PRKCH: variants seen among roughly 807,000 people sequenced by gnomAD.
PRKCH encodes the protein protein kinase C eta type.
PRKCH carries 28 observed loss-of-function variants against 82.5 expected under a neutral mutation model. The observed-to-expected ratio is 0.34, with a 90% CI of 0.25 to 0.47. The LOEUF (loss-of-function observed/expected upper bound fraction) is 0.47, where lower values mean the gene tolerates loss of function less well. Ranked by LOEUF, PRKCH falls within the 20% of genes least tolerant of loss-of-function variation. The pLI is 1.00. For synonymous variants in PRKCH, 322 were observed against 327.4 expected, an observed-to-expected ratio of 0.98 and a Z score of 0.18; for missense variants, 705 against 881.8, an observed-to-expected ratio of 0.80 and a Z score of 2.54.
At chr14:61,291,608 G>A (rs956590379) in intron 1 of PRKCH, among the ~76,000 whole-genome samples, 4 of 152,108 alleles carry the variant, frequency 2.6e-5, no homozygotes, top group African/African-American at 7.2e-5. Flanking sequence ...GGGATTACAG[G>A]CGTGAGCCAC....
chr14:61,240,822 G>C (rs1269300778), intron 1 of PRKCH, among the ~76,000 whole-genome samples: 1 of 152,100 alleles, frequency 6.6e-6, no homozygotes, highest in Non-Finnish European at 1.5e-5. Flanking sequence ...TCCCACTTCT[G>C]ACACCAAATC....
chr14:61,339,000 G>A (rs377714786), intron 1 of PRKCH, among the ~76,000 whole-genome samples: 5 of 152,080 alleles, frequency 3.3e-5, no homozygotes, highest in Admixed American at 3.3e-4. Flanking sequence ...ACAGCTCTCT[G>A]CCTGAATGAT....
chr14:61,222,118 T>C (rs893616768), intron 1 of PRKCH, among the ~76,000 whole-genome samples: 1 of 152,188 alleles, frequency 6.6e-6, no homozygotes, highest in African/African-American at 2.4e-5. Flanking sequence ...TAAAGTGATA[T>C]TTGCCCCTTT....
chr14:61,395,698 C>T (rs76041562), intron 2 of PRKCH, among the ~76,000 whole-genome samples: 3,164 of 152,208 alleles, frequency 0.021, 118 homozygotes, highest in African/African-American at 0.073. Context: ...TTCCATGTTC[C>T]TATTGTCACA....
intron 1 of PRKCH, among the ~76,000 whole-genome samples, chr14:61,224,963 A>C (rs1250047681): frequency 6.6e-6 from 1 of 152,108 alleles, no homozygotes; most frequent in Non-Finnish European, 1.5e-5. Context: ...TCTCAACAGG[A>C]CTCACACATT....
intron 12 of PRKCH, among the ~76,000 whole-genome samples, chr14:61,535,562 G>T (rs1052802579): frequency 6.6e-6 from 1 of 152,168 alleles, no homozygotes; most frequent in Non-Finnish European, 1.5e-5. Flanking sequence ...ATGAGCAAAG[G>T]GGTGGGGCAG....
chr14:61,455,624 T>G (rs1313091197), intron 7 of PRKCH, among the ~76,000 whole-genome samples: 1 of 152,230 alleles, frequency 6.6e-6, no homozygotes, highest in Non-Finnish European at 1.5e-5. Context: ...GAACTAGGGC[T>G]TCTGAGATAC....
intron 1 of PRKCH, among the ~76,000 whole-genome samples, chr14:61,373,528 G>T (rs1051585677): frequency 6.6e-6 from 1 of 151,738 alleles, no homozygotes; most frequent in Non-Finnish European, 1.5e-5. Flanking sequence ...ATATCATTCC[G>T]CCCCTGGCCC....
rs559430267 is a variant in PRKCH, at chr14:61,251,036, T to C, written c.-19+63368T>C. ...TTGGAGTAGTCAAAAAGGGATGTTTTATTTTTTAAATTTTTGTGGGTACAT... is the reference window on the plus strand; with the variant it reads ...TTGGAGTAGTCAAAAAGGGATGTTTCATTTTTTAAATTTTTGTGGGTACAT... On this transcript the variant is annotated intron_variant, in intron 1 of 3. Coordinates refer to the PRKCH transcript ENST00000555185. 2.0e-5 allele frequency among the ~76,000 whole-genome samples: 3 copies of C among 152,356 alleles called. No homozygotes were observed. In the South Asian group the frequency reaches 6.2e-4, roughly 32 times the overall value.
At chr14:61,274,571 T>C (rs2045186330) in intron 1 of PRKCH, among the ~76,000 whole-genome samples, 1 of 152,166 alleles carries the variant, frequency 6.6e-6, no homozygotes, top group Admixed American at 6.5e-5. Context: ...ATTTGGGATA[T>C]AGAAGCAACA....
chr14:61,531,337 G>A (rs773366219), intron 12 of PRKCH, among the ~76,000 whole-genome samples: 5 of 152,110 alleles, frequency 3.3e-5, no homozygotes, highest in Non-Finnish European at 4.4e-5. Context: ...GGTTGTAAAG[G>A]CAAATAAAAG....
intron 1 of PRKCH, among the ~76,000 whole-genome samples, chr14:61,325,738 G>T (rs1388674891): frequency 6.6e-6 from 1 of 152,080 alleles, no homozygotes; most frequent in African/African-American, 2.4e-5. Context: ...ATATATAAAA[G>T]AACTCTAACA....
intron 1 of PRKCH, among the ~76,000 whole-genome samples, chr14:61,364,017 T>C (rs894068717): frequency 9.5e-5 from 14 of 147,210 alleles, no homozygotes; most frequent in Non-Finnish European, 1.8e-4. Context: ...TGTGTGTATA[T>C]ATATATTTGT....
rs71117812 is a variant in PRKCH at position 61,329,234 on chromosome 14, CTTTTT to C, written c.363+6786_363+6790del. ...ACTGCTCTTAGATAAACTCCTGAGTCTTTTTTTTTTTTTTTTTTTTGAGACAGAAT... is the reference window on the plus strand; with the variant it reads ...ACTGCTCTTAGATAAACTCCTGAGTCTTTTTTTTTTTTTTTGAGACAGAAT... On this transcript the variant is annotated intron_variant, in intron 1 of 13. Transcript: ENST00000332981. Among the ~76,000 whole-genome samples the C allele has an allele frequency of 1.6e-3, 101 of 63,468 alleles. 1 individual carries two copies. Among genetic ancestry groups the C allele is most frequent in the African/African-American group, 6.4e-3 (94 of 14,774 alleles). The allele number at this position is 63,468 out of a possible 152,430, so 41.6% of individuals were successfully genotyped here. A position where few individuals can be genotyped will look rare whatever the true frequency, so the allele number is the denominator to read the frequency against.
intron 1 of PRKCH, among the ~76,000 whole-genome samples, chr14:61,285,099 C>A (rs567390553): frequency 3.3e-5 from 5 of 152,202 alleles, no homozygotes; most frequent in African/African-American, 1.2e-4. Context: ...TTAAAAAAAA[C>A]TATGTGTCTC....
At chr14:61,371,819 T>C (rs1418871662) in intron 1 of PRKCH, among the ~76,000 whole-genome samples, 1 of 152,082 alleles carries the variant, frequency 6.6e-6, no homozygotes, top group East Asian at 1.9e-4. Context: ...AGAATTATGC[T>C]CTACCTCCCT....
At chr14:61,240,487 CGTG>C (rs2044827568) in intron 1 of PRKCH, among the ~76,000 whole-genome samples, 3 of 152,126 alleles carry the variant, frequency 2.0e-5, no homozygotes, top group Non-Finnish European at 2.9e-5. Flanking sequence ...ACCTGCCACA[CGTG>C]GTGACAAGGA....
At chr14:61,311,442 C>T (rs1310884705) in intron 1 of PRKCH, among the ~76,000 whole-genome samples, 1 of 152,218 alleles carries the variant, frequency 6.6e-6, no homozygotes, top group African/African-American at 2.4e-5. Context: ...CTTCATTGTC[C>T]ATATCACTAC....
intron 1 of PRKCH, among the ~76,000 whole-genome samples, chr14:61,254,630 AAAAC>A (rs903676555): frequency 6.6e-6 from 1 of 152,144 alleles, no homozygotes; most frequent in Non-Finnish European, 1.5e-5. Context: ...AAAATAAAAC[AAAAC>A]AAACAAACAA....
Sources: gnomAD v4.1 joint callset for allele counts (sites outside exome capture counted in the v4.1 genomes callset) on GRCh38, gnomAD v4.1.1 for gene constraint, MANE v1.5 for transcripts, NCBI Gene and HGNC (gene_info 2026-07-23, HGNC 2026-07-21) for gene names.